The following PTPRM variants were observed in gnomAD, a reference collection of about 807,000 sequenced individuals.
PTPRM encodes the protein protein tyrosine phosphatase receptor type M.
A neutral mutation model predicts 186.7 loss-of-function variants in PTPRM; 47 were observed. That is an observed-to-expected ratio of 0.25 (90% CI 0.20 to 0.32). PTPRM has a LOEUF of 0.32. Among genes scored for constraint, PTPRM ranks in the 10% least tolerant of loss-of-function variants. The pLI, the probability that PTPRM is intolerant of heterozygous loss-of-function variation, is 1.00. For synonymous variants in PTPRM, 668 were observed against 674.9 expected (o/e 0.99, Z 0.16); for missense variants, 1,494 against 1,865.0 (o/e 0.80, Z 3.66).
At chr18:7,980,287 G>A (rs2082477797) in intron 7 of PTPRM, among the ~76,000 whole-genome samples, 1 of 152,044 alleles carries the variant, frequency 6.6e-6, no homozygotes, top group Admixed American at 6.6e-5. Context: ...CTGCAATGCT[G>A]CTTGCCTAGC....
At chr18:7,788,040 C>A (rs1189701610) in intron 2 of PTPRM, among the ~76,000 whole-genome samples, 2 of 152,096 alleles carry the variant, frequency 1.3e-5, no homozygotes, top group Non-Finnish European at 2.9e-5. Flanking sequence ...GGGTCTCTGG[C>A]AGATACTTTG....
rs908636774 is a variant in PTPRM at position 8,354,038 on chromosome 18, C to G, written c.3054+10518C>G. ...TCCAGCCTGGCCAACATGGTGAAAC[C>G]CCATCTCTACTAAAACCACAAAAAA... On this transcript the variant is annotated intron_variant, in intron 23 of 32. Coordinates refer to ENST00000580170, the MANE Select transcript of PTPRM (RefSeq NM_001105244.2). Among the ~76,000 whole-genome samples, 4 of 152,000 alleles carry G rather than the reference C, an allele frequency of 2.6e-5. No individual in the cohort carries two copies. The East Asian group carries it at 7.7e-4, about 29-fold the overall frequency.
At chr18:7,728,488 G>A (rs928901893) in intron 1 of PTPRM, among the ~76,000 whole-genome samples, 5 of 152,214 alleles carry the variant, frequency 3.3e-5, no homozygotes, top group Admixed American at 3.3e-4. Context: ...TGATGGCTCC[G>A]CCCAGTTCCC....
intron 2 of PTPRM, among the ~76,000 whole-genome samples, chr18:7,822,875 T>C (rs982141720): frequency 1.3e-5 from 2 of 152,150 alleles, no homozygotes; most frequent in African/African-American, 4.8e-5. Flanking sequence ...GCACTTCCTT[T>C]CCTGCCGCAG....
At chr18:8,029,874 G>T (rs1452075016) in intron 7 of PTPRM, among the ~76,000 whole-genome samples, 2 of 152,168 alleles carry the variant, frequency 1.3e-5, no homozygotes, top group African/African-American at 4.8e-5. Context: ...CCCCCTGTGT[G>T]ATCTGACCAT....
chr18:7,954,077 G>A (rs900248939), intron 6 of PTPRM, among the ~76,000 whole-genome samples: 4 of 152,270 alleles, frequency 2.6e-5, no homozygotes, highest in Non-Finnish European at 5.9e-5. Flanking sequence ...ATCATGTGTG[G>A]TATCACCCAC....
intron 14 of PTPRM, among the ~76,000 whole-genome samples, chr18:8,221,807 A>G (rs1208092771): frequency 6.6e-6 from 1 of 152,232 alleles, no homozygotes; most frequent in Non-Finnish European, 1.5e-5. Flanking sequence ...TTCCCTGTGC[A>G]TAGTGAACTG....
intron 1 of PTPRM, among the ~76,000 whole-genome samples, chr18:7,720,158 A>G (rs1449011490): frequency 6.6e-6 from 1 of 152,214 alleles, no homozygotes; most frequent in Non-Finnish European, 1.5e-5. Context: ...CTATCTTCAA[A>G]TTAATAAATT....
At chr18:7,910,033 A>G (rs1224006659) in intron 4 of PTPRM, among the ~76,000 whole-genome samples, 1 of 152,228 alleles carries the variant, frequency 6.6e-6, no homozygotes, top group Non-Finnish European at 1.5e-5. Context: ...TCTTAAATAC[A>G]TTATGAGCTG....
At chr18:7,574,338 T>C (rs1417696194) in intron 1 of PTPRM, among the ~76,000 whole-genome samples, 1 of 151,436 alleles carries the variant, frequency 6.6e-6, no homozygotes, top group Non-Finnish European at 1.5e-5. Context: ...AATTTTGTTG[T>C]AATGGTTAGC....
At chr18:7,704,589 T>C (rs1260240183) in intron 1 of PTPRM, among the ~76,000 whole-genome samples, 1 of 152,156 alleles carries the variant, frequency 6.6e-6, no homozygotes, top group African/African-American at 2.4e-5. Context: ...TAGTGGTCTC[T>C]CTAACATTAG....
chr18:8,178,256 G>C (rs1476340411), intron 14 of PTPRM, among the ~76,000 whole-genome samples: 2 of 152,192 alleles, frequency 1.3e-5, no homozygotes, highest in Non-Finnish European at 1.5e-5. Flanking sequence ...AGCAAGGTTA[G>C]TCTAAATTGC....
chr18:8,144,907 A>G (rs1456378124), intron 14 of PTPRM, among the ~76,000 whole-genome samples: 1 of 152,188 alleles, frequency 6.6e-6, no homozygotes, highest in Non-Finnish European at 1.5e-5. Context: ...GAGTGAGTTC[A>G]TGGATGGGAG....
intron 19 of PTPRM, among the ~76,000 whole-genome samples, chr18:8,289,514 GTATATATATACATATATATACACATA>G (rs1568674278): frequency 1.6e-4 from 14 of 89,802 alleles, no homozygotes; most frequent in Admixed American, 3.4e-4. Context: ...GTGTGTGTAT[GTATATATATACATATATATACACATA>G]TATATATATA....
At chr18:8,299,635 T>A (rs1222334471) in intron 20 of PTPRM, among the ~76,000 whole-genome samples, 2 of 151,998 alleles carry the variant, frequency 1.3e-5, no homozygotes, top group African/African-American at 4.8e-5. Flanking sequence ...GATACTGCCC[T>A]CCTAGTAGTT....
intron 1 of PTPRM, among the ~76,000 whole-genome samples, chr18:7,722,600 TA>T (rs1287503328): frequency 6.6e-6 from 1 of 151,826 alleles, no homozygotes; most frequent in Non-Finnish European, 1.5e-5. Context: ...CAAGATGAAA[TA>T]AAAGAAAAGA....
intron 16 of PTPRM, 90 bp from the exon 17 acceptor site, chr18:8,248,060 T>G: frequency 7.2e-7 from 1 of 1,390,754 alleles, no homozygotes; most frequent in Non-Finnish European, 1.0e-6. Context: ...CAGCTTTCTA[T>G]GCAGAAAATA....
intron 23 of PTPRM, chr18:8,360,968 C>T (rs2095593920): frequency 6.6e-6 from 1 of 152,168 alleles, no homozygotes; most frequent in African/African-American, 2.4e-5. Flanking sequence ...CAACTGGTGG[C>T]ATCATATACT....
At chr18:7,723,887 C>T (rs1047925204) in intron 1 of PTPRM, among the ~76,000 whole-genome samples, 1 of 152,172 alleles carries the variant, frequency 6.6e-6, no homozygotes, top group Non-Finnish European at 1.5e-5. Flanking sequence ...CACTCTTTTC[C>T]TTGTTACAAG....
Sources: gnomAD v4.1 joint callset for allele counts (sites outside exome capture counted in the v4.1 genomes callset) on GRCh38, gnomAD v4.1.1 for gene constraint, MANE v1.5 for transcripts, NCBI Gene and HGNC (gene_info 2026-07-23, HGNC 2026-07-21) for gene names.